Variants in CTNNA3 observed in about 807,000 individuals in gnomAD.
CTNNA3 encodes catenin alpha-3.
Under a neutral mutation model 95.7 loss-of-function variants are expected in CTNNA3, and 76 were observed. That is an observed-to-expected ratio of 0.79 (90% CI 0.66 to 0.96). The LOEUF is 0.96. CTNNA3 is among the 40% of genes least tolerant of loss of function. The pLI is 0.00. For synonymous variants in CTNNA3, 431 were observed against 374.4 expected, an observed-to-expected ratio of 1.15 and a Z score of -1.74; for missense variants, 1,191 against 1,089.8, an observed-to-expected ratio of 1.09 and a Z score of -1.31.
At chr10:66,043,972 G>A (rs1427936530) in intron 15 of CTNNA3, among the ~76,000 whole-genome samples, 4 of 146,336 alleles carry the variant, frequency 2.7e-5, no homozygotes, top group African/African-American at 9.8e-5. Flanking sequence ...GTGTGTGTGT[G>A]TGTGTGTGTG....
At chr10:65,958,408 C>T (rs1044497535) in intron 17 of CTNNA3, among the ~76,000 whole-genome samples, 4 of 152,190 alleles carry the variant, frequency 2.6e-5, no homozygotes, top group African/African-American at 9.7e-5. Flanking sequence ...AAGTCATTCC[C>T]CGTCCAGCTT....
At chr10:67,301,763 T>C (rs1239908490) in intron 5 of CTNNA3, among the ~76,000 whole-genome samples, 1 of 152,016 alleles carries the variant, frequency 6.6e-6, no homozygotes, top group Non-Finnish European at 1.5e-5. Context: ...GGTCAGGAGA[T>C]GGAGACCATC....
intron 10 of CTNNA3, among the ~76,000 whole-genome samples, chr10:66,550,770 C>A (rs1013411056): frequency 6.6e-6 from 1 of 151,056 alleles, no homozygotes; most frequent in African/African-American, 2.4e-5. Context: ...TGTCTACTGG[C>A]TGACTTTTTT....
intron 5 of CTNNA3, among the ~76,000 whole-genome samples, chr10:67,517,852 C>G (rs1236641231): frequency 6.6e-6 from 1 of 152,076 alleles, no homozygotes; most frequent in Non-Finnish European, 1.5e-5. Context: ...ATGTTCAGAA[C>G]AGTGCTGGAC....
intron 5 of CTNNA3, among the ~76,000 whole-genome samples, chr10:67,485,441 A>G (rs1299228493): frequency 6.6e-6 from 1 of 152,168 alleles, no homozygotes; most frequent in African/African-American, 2.4e-5. Context: ...AAACCTTAGC[A>G]GCTTGCAATA....
At chr10:67,370,241 A>AT (rs1019357109) in intron 5 of CTNNA3, among the ~76,000 whole-genome samples, 6 of 151,602 alleles carry the variant, frequency 4.0e-5, no homozygotes, top group African/African-American at 1.5e-4. Context: ...TCTCCACTTG[A>AT]TTTTTTTTTA....
At chr10:66,458,288 A>C (rs1803215663) in intron 11 of CTNNA3, among the ~76,000 whole-genome samples, 1 of 152,202 alleles carries the variant, frequency 6.6e-6, no homozygotes, top group African/African-American at 2.4e-5. Context: ...TCTAAAAAGG[A>C]AAGAATTATT....
At chr10:66,787,018 T>A (rs1840773611) in intron 7 of CTNNA3, among the ~76,000 whole-genome samples, 1 of 152,222 alleles carries the variant, frequency 6.6e-6, no homozygotes, top group East Asian at 1.9e-4. Context: ...CTATTCAAAG[T>A]GATATTCCTA....
At chr10:67,579,139 G>A (rs1842282835) in intron 3 of CTNNA3, among the ~76,000 whole-genome samples, 3 of 147,864 alleles carry the variant, frequency 2.0e-5, no homozygotes, top group Non-Finnish European at 4.5e-5. Flanking sequence ...GTGCCATGTT[G>A]GTGTGCTGCA....
At chr10:65,951,749 G>A (rs564333834) in intron 17 of CTNNA3, among the ~76,000 whole-genome samples, 1 of 152,180 alleles carries the variant, frequency 6.6e-6, no homozygotes, top group East Asian at 1.9e-4. Flanking sequence ...GAGATTCTAG[G>A]TCAGGCGCGG....
chr10:65,945,901 A>C (rs2077509616), intron 17 of CTNNA3, among the ~76,000 whole-genome samples: 1 of 152,238 alleles, frequency 6.6e-6, no homozygotes, highest in African/African-American at 2.4e-5. Context: ...GAAATGAAGA[A>C]TAAGAACCCT....
At chr10:66,171,879 A>G (rs2085451239) in intron 13 of CTNNA3, among the ~76,000 whole-genome samples, 1 of 152,154 alleles carries the variant, frequency 6.6e-6, no homozygotes, top group African/African-American at 2.4e-5. Flanking sequence ...AAAAATCATC[A>G]ATGCTGCTGG....
At chr10:66,573,675 T>C (rs1188414815) in intron 10 of CTNNA3, among the ~76,000 whole-genome samples, 2 of 152,168 alleles carry the variant, frequency 1.3e-5, no homozygotes, top group African/African-American at 2.4e-5. Flanking sequence ...CCTTTCTATT[T>C]AATACCCCCT....
intron 10 of CTNNA3, among the ~76,000 whole-genome samples, chr10:66,597,446 G>C (rs1164050005): frequency 7.0e-6 from 1 of 142,900 alleles, no homozygotes; most frequent in African/African-American, 2.6e-5. Context: ...GTAGGCTGAG[G>C]CAGGAGGATC....
chr10:66,621,645 G>C, intron 10 of CTNNA3, 47 bp downstream of exon 10: 1 of 1,100,198 alleles, frequency 9.1e-7, no homozygotes, highest in Non-Finnish European at 1.3e-6. Flanking sequence ...AAAAGCATTA[G>C]GAATTATATA....
intron 13 of CTNNA3, among the ~76,000 whole-genome samples, chr10:66,159,392 T>C (rs189606348): frequency 6.6e-6 from 1 of 152,136 alleles, no homozygotes; most frequent in Admixed American, 6.6e-5. Context: ...TGTCAGGTGC[T>C]TTTTCTGCAT....
chr10:66,225,649 CATT>C (rs749519976), intron 13 of CTNNA3, among the ~76,000 whole-genome samples: 1 of 151,332 alleles, frequency 6.6e-6, no homozygotes, highest in African/African-American at 2.4e-5. Flanking sequence ...TTGGAGGAAA[CATT>C]ATACTATTTT....
intron 5 of CTNNA3, among the ~76,000 whole-genome samples, chr10:67,286,879 A>G (rs1345767082): frequency 6.6e-6 from 1 of 152,176 alleles, no homozygotes; most frequent in Non-Finnish European, 1.5e-5. Flanking sequence ...GCATTTCACA[A>G]GCCTGAGAAT....
At chr10:67,038,482 G>A (rs982987218) in intron 7 of CTNNA3, among the ~76,000 whole-genome samples, 1 of 151,946 alleles carries the variant, frequency 6.6e-6, no homozygotes, top group African/African-American at 2.4e-5. Flanking sequence ...TGTGAGCTCA[G>A]GAAAAGGACA....
Sources: allele counts gnomAD v4.1 joint callset (sites outside exome capture counted in the v4.1 genomes callset), GRCh38; gene constraint gnomAD v4.1.1; transcripts MANE v1.5; gene names NCBI Gene and HGNC (gene_info 2026-07-23, HGNC 2026-07-21).